Variants in LRP1B observed in about 807,000 individuals in gnomAD.
The protein encoded by LRP1B is low-density lipoprotein receptor-related protein 1B.
In LRP1B, 217 loss-of-function variants were observed where a neutral mutation model predicts 556.6. That is an observed-to-expected ratio of 0.39 (90% CI 0.35 to 0.44). The LOEUF is 0.44. Among genes scored for constraint, LRP1B ranks in the 20% least tolerant of loss-of-function variants. The pLI is 1.00. For missense variants in LRP1B, 5,053 were observed against 5,620.8 expected, an observed-to-expected ratio of 0.90 and a Z score of 3.23; for synonymous variants, 2,047 against 1,865.8, an observed-to-expected ratio of 1.10 and a Z score of -2.50.
intron 2 of LRP1B, among the ~76,000 whole-genome samples, chr2:141,549,064 A>G (rs1270788601): frequency 1.3e-5 from 2 of 152,156 alleles, no homozygotes; most frequent in Non-Finnish European, 2.9e-5. Flanking sequence ...AATGCCACAC[A>G]TTCAATGGAA....
intron 32 of LRP1B, among the ~76,000 whole-genome samples, chr2:140,777,863 G>T (rs1689552565): frequency 6.6e-6 from 1 of 151,844 alleles, no homozygotes; most frequent in Non-Finnish European, 1.5e-5. Context: ...TATGGTAGAG[G>T]CAACCTTCCA....
chr2:141,315,218 TC>T (rs1431940260), intron 3 of LRP1B, among the ~76,000 whole-genome samples: 1 of 146,712 alleles, frequency 6.8e-6, no homozygotes, highest in Non-Finnish European at 1.5e-5. Context: ...AGTCTACCAA[TC>T]AAGATTGTTG....
At chr2:140,259,332 G>A (rs1178061850) in intron 86 of LRP1B, among the ~76,000 whole-genome samples, 1 of 152,030 alleles carries the variant, frequency 6.6e-6, no homozygotes, top group Non-Finnish European at 1.5e-5. Context: ...AATAAATCAA[G>A]TTTTTCTAGT....
chr2:140,526,083 C>A (rs2104968867), intron 48 of LRP1B, 90 bp from the exon 49 acceptor site: 1 of 1,441,528 alleles, frequency 6.9e-7, no homozygotes, highest in Non-Finnish European at 9.6e-7. Context: ...GAAAAGTTAA[C>A]TTCATTTGAG....
At chr2:140,977,516 C>G (rs991337190) in intron 18 of LRP1B, among the ~76,000 whole-genome samples, 1 of 152,130 alleles carries the variant, frequency 6.6e-6, no homozygotes, top group African/African-American at 2.4e-5. Flanking sequence ...ACATAGTGCA[C>G]AGATGATAAA....
intron 2 of LRP1B, among the ~76,000 whole-genome samples, chr2:141,595,079 A>G (rs1687470978): frequency 6.6e-6 from 1 of 152,108 alleles, no homozygotes; most frequent in South Asian, 2.1e-4. Flanking sequence ...TATTTAACCA[A>G]AATATGGAAA....
At chr2:141,542,078 CA>C (rs1267689873) in intron 2 of LRP1B, among the ~76,000 whole-genome samples, 3 of 151,820 alleles carry the variant, frequency 2.0e-5, no homozygotes, top group Admixed American at 6.6e-5. Context: ...TTGCGATAAA[CA>C]AATATGAAAT....
At chr2:140,271,979 A>C (rs1907748) in intron 85 of LRP1B, among the ~76,000 whole-genome samples, 54,270 of 151,440 alleles carry the variant, frequency 0.36, 11,181 homozygotes, top group Non-Finnish European at 0.48. Context: ...GATTTTCTAC[A>C]AAAAAAAGAT....
intron 60 of LRP1B, among the ~76,000 whole-genome samples, chr2:140,462,879 T>A (rs1687379679): frequency 6.6e-6 from 1 of 152,184 alleles, no homozygotes; most frequent in Admixed American, 6.6e-5. Flanking sequence ...GAGAACAAAG[T>A]ATGCTCATTG....
chr2:141,427,932 C>T (rs1680427775), intron 3 of LRP1B, among the ~76,000 whole-genome samples: 1 of 152,116 alleles, frequency 6.6e-6, no homozygotes, highest in South Asian at 2.1e-4. Flanking sequence ...AAAGACTGAG[C>T]ACTTTTTTAT....
Position 141,731,333 on chromosome 2 carries a change from G to A in LRP1B, c.205+78946C>T, listed in dbSNP as rs547325478. Reference sequence around the variant, plus strand: ...TCAGAAGGCTCAGAGACACATTTGCGGGTAAGGATAAGGGTTACAGCTGCT... The same window carrying A: ...TCAGAAGGCTCAGAGACACATTTGCAGGTAAGGATAAGGGTTACAGCTGCT... On this transcript the variant is annotated intron_variant, in intron 2 of 90. Coordinates refer to ENST00000389484, the MANE Select transcript of LRP1B (RefSeq NM_018557.3). Among the ~76,000 whole-genome samples the A allele has an allele frequency of 8.5e-5, 13 of 152,158 alleles. No individual in the cohort carries two copies. In the South Asian group the frequency reaches 1.5e-3, roughly 17 times the overall value.
At chr2:142,031,745 C>T (rs1162526904) in intron 1 of LRP1B, among the ~76,000 whole-genome samples, 1 of 151,600 alleles carries the variant, frequency 6.6e-6, no homozygotes, top group East Asian at 1.9e-4. Context: ...TGAATTGTGC[C>T]CCTGATTTTA....
intron 7 of LRP1B, among the ~76,000 whole-genome samples, chr2:141,073,857 T>C (rs1375611258): frequency 6.6e-6 from 1 of 152,040 alleles, no homozygotes; most frequent in Non-Finnish European, 1.5e-5. Flanking sequence ...ATCTGTATAT[T>C]TATCTCTTTC....
At chr2:140,792,583 C>T (rs1016408365) in intron 32 of LRP1B, among the ~76,000 whole-genome samples, 3 of 151,912 alleles carry the variant, frequency 2.0e-5, no homozygotes, top group African/African-American at 7.3e-5. Context: ...GTTTTCAGTT[C>T]TTGGAGGAAT....
intron 82 of LRP1B, among the ~76,000 whole-genome samples, chr2:140,318,480 G>T (rs17386351): frequency 0.02 from 3,091 of 152,180 alleles, 37 homozygotes; most frequent in African/African-American, 0.028. Flanking sequence ...AGCATAAAAT[G>T]ATACAATTTG....
chr2:141,601,625 TCCTTCCTTC>T (rs1687743449), intron 2 of LRP1B, among the ~76,000 whole-genome samples: 1 of 150,818 alleles, frequency 6.6e-6, no homozygotes, highest in South Asian at 2.1e-4. Flanking sequence ...CTTCCTTCCT[TCCTTCCTTC>T]CTTCCTTCCT....
chr2:141,157,765 T>C (rs190278129), intron 7 of LRP1B, among the ~76,000 whole-genome samples: 6 of 152,242 alleles, frequency 3.9e-5, no homozygotes, highest in African/African-American at 1.4e-4. Flanking sequence ...GAAAAGAATA[T>C]AGGTAAAAGC....
intron 87 of LRP1B, among the ~76,000 whole-genome samples, chr2:140,243,839 C>T (rs1279612837): frequency 6.6e-6 from 1 of 151,140 alleles, no homozygotes; most frequent in African/African-American, 2.4e-5. Flanking sequence ...TATTCTTGTA[C>T]CTTGAGCCTC....
intron 2 of LRP1B, among the ~76,000 whole-genome samples, chr2:141,692,686 T>C (rs1466817441): frequency 6.6e-6 from 1 of 151,972 alleles, no homozygotes; most frequent in Non-Finnish European, 1.5e-5. Context: ...ATTTTGCCAT[T>C]GTGCAAACGT....
Sources: allele counts gnomAD v4.1 joint callset (sites outside exome capture counted in the v4.1 genomes callset), GRCh38; gene constraint gnomAD v4.1.1; transcripts MANE v1.5; gene names NCBI Gene and HGNC (gene_info 2026-07-23, HGNC 2026-07-21).